Variants in OPLAH observed in about 807,000 individuals in gnomAD.
The protein encoded by OPLAH is 5-oxoprolinase, ATP-hydrolysing.
OPLAH carries 103 observed loss-of-function variants against 122.8 expected under a neutral mutation model. The observed-to-expected ratio is 0.84, with a 90% confidence interval of 0.71 to 0.99. The LOEUF (loss-of-function observed/expected upper bound fraction) is 0.99. OPLAH is among the 50% of genes least tolerant of loss of function. The probability of loss-of-function intolerance (pLI) is 0.00; values close to 1 mark genes in which losing one functional copy is unlikely to be tolerated. For synonymous variants in OPLAH, 875 were observed against 796.0 expected, an observed-to-expected ratio of 1.10 and a Z score of -1.67; for missense variants, 1,902 against 1,836.5, an observed-to-expected ratio of 1.04 and a Z score of -0.65.
intron 19 of OPLAH, 88 bp downstream of exon 19, chr8:144,054,473 G>A: frequency 7.2e-7 from 1 of 1,380,722 alleles, no homozygotes. Flanking sequence ...CCTATGGGCT[G>A]CATCCCACGG....
rs1564294748 is a variant in OPLAH at position 144,059,736 on chromosome 8, T to G, written c.226A>C (p.Ser76Arg). 6.2e-7 allele frequency: 1 copy of G among 1,610,876 alleles called. No homozygotes were observed. The highest frequency in any genetic ancestry group is 8.5e-7 in the Non-Finnish European group (1 of 1,179,618). The change falls in exon 3 of 27, where the codon AGC becomes CGC. Residue 76 changes from serine (S) to arginine (R), a missense_variant. Transcript: ENST00000618853. ...GCCACTGTGGTGCCCATGCGGATGC[T>G]GGCGATATGACTGGAGTCCAGCGGC... is the stretch of plus-strand genomic sequence containing the variant. ...DQPLDSSHIA[S>R]IRMGTTVATN...
In OPLAH at chr8:144,056,172, G is replaced by T. The variant is rs1554758963; in HGVS notation, c.2071C>A (p.Pro691Thr). Residue 691 changes from proline (P) to threonine (T), a missense_variant, in exon 15 of 27, where the codon CCC (proline) becomes ACC (threonine). This residue lies in a region of OPLAH where 1,726 missense variants were observed against 1,642.1 expected (regional missense o/e 1.05). Transcript: ENST00000618853. ...ELGYGHKLHGPCLIIDSNSTI... is the reference protein window; with the variant it reads ...ELGYGHKLHGTCLIIDSNSTI... ...CTGTTACTGTCGATGATGAGGCAGG[G>T]CCCATGGAGCTTGTGCCCATAGCCC... 2 of 1,610,092 alleles carry T rather than the reference G, an allele frequency of 1.2e-6. No individual in the cohort carries two copies. The highest frequency in any genetic ancestry group is 1.7e-6 in the Non-Finnish European group (2 of 1,177,786).
upstream of OPLAH, among the ~76,000 whole-genome samples, chr8:144,061,739 C>T (rs1010031288): frequency 2.0e-5 from 3 of 152,148 alleles, no homozygotes; most frequent in Non-Finnish European, 4.4e-5. Flanking sequence ...AAATGGGCAA[C>T]CGGCCTGGCA....
chr8:144,058,824 A>T lies in OPLAH; in HGVS notation c.536T>A (p.Leu179Gln). Residue 179 changes from leucine to glutamine, a missense_variant, in exon 5 of 27, where the codon CTG (leucine) becomes CAG (glutamine). This residue lies in a region of OPLAH where 1,726 missense variants were observed against 1,642.1 expected (regional missense o/e 1.05). Coordinates refer to ENST00000618853, the MANE Select transcript of OPLAH (RefSeq NM_017570.5). The stretch of plus-strand genomic sequence containing the variant: ...CAGGCTGCGGATGCCTCGAGATAGC[A>T]GCCCCTCCAGCTTCCCACGCAGGGC... ...LGALRGKLEGLLSRGIRSLAV... is the reference protein window; with the variant it reads ...LGALRGKLEGQLSRGIRSLAV... 1 of 1,594,788 alleles carries T rather than the reference A, an allele frequency of 6.3e-7. No homozygotes were observed. The highest frequency in any genetic ancestry group is 8.5e-7 in the Non-Finnish European group (1 of 1,171,456).
rs200399200 is a variant in OPLAH, at chr8:144,056,651, C to T, written c.1811G>A (p.Arg604His). ...AAAGGCTGCCCCGAAGTCCCCCGCA[C>T]GGGGCGAGCGGGCTGTGGCTGGGTG... ...HQHPATARSPRAGDFGAAFVE... is the reference protein window; with the variant it reads ...HQHPATARSPHAGDFGAAFVE... Residue 604 changes from arginine (R) to histidine (H), a missense_variant, in exon 13 of 27, where the codon CGT becomes CAT. This residue lies in a region of OPLAH where 1,726 missense variants were observed against 1,642.1 expected (regional missense o/e 1.05). Transcript: ENST00000618853. The T allele has an allele frequency of 3.8e-5, 62 of 1,612,018 alleles. No individual in the cohort carries two copies. In the Admixed American group the frequency reaches 4.0e-4, roughly 10 times the overall value.
Position 144,059,891 on chromosome 8 carries a change from T to C in OPLAH, c.142A>G (p.Thr48Ala), listed in dbSNP as rs960779440. Residue 48 changes from threonine (T) to alanine (A), a missense_variant, in exon 2 of 27, where the codon ACC (threonine) becomes GCC (alanine). Physicochemically the swap from Thr to Ala is moderately conservative, Grantham distance 58. Transcript: ENST00000618853. ...TCCAGGATGCGGCGGATGCCTTCGG[T>C]TGGCGCGTCCGCATAGTTGGCAGGG... ...EDPANYADAP[T>A]EGIRRILEQE... 1.9e-6 allele frequency: 3 copies of C among 1,612,754 alleles called. No individual in the cohort carries two copies. The highest frequency in any genetic ancestry group is 1.7e-6 in the Non-Finnish European group (2 of 1,179,816).
At chr8:144,059,338 C>T (rs1835611504) in intron 3 of OPLAH, among the ~76,000 whole-genome samples, 1 of 152,238 alleles carries the variant, frequency 6.6e-6, no homozygotes, top group Non-Finnish European at 1.5e-5. Flanking sequence ...GGTTCCACCC[C>T]TCCTCTGCCT....
At position 144,055,303 on chromosome 8, in the gene OPLAH, C is replaced by T. The variant is rs1294417115; in HGVS notation, c.2249-114G>A. ...AACCCAGGACCCAGGAAAAACCCAG[C>T]AGCTTTTTCCTGGGGAAGACCAAGT... On this transcript the variant is annotated intron_variant, in intron 16 of 26. Transcript: ENST00000618853. This position sits in a 1 kb window ranked among gnomAD's most constrained non-coding sequence, Gnocchi z 6.5. 4.5e-5 allele frequency: 52 copies of T among 1,152,852 alleles called. No individual in the cohort carries two copies. Among genetic ancestry groups the T allele is most frequent in the Non-Finnish European group, 5.6e-5 (49 of 867,504 alleles). 71.4% of individuals were successfully genotyped at this position (1,152,852 alleles called of 1,614,324 possible). A position where few individuals can be genotyped will look rare whatever the true frequency, so the allele number is the denominator to read the frequency against.
intron 3 of OPLAH, among the ~76,000 whole-genome samples, chr8:144,059,336 C>T (rs1345607913): frequency 1.3e-5 from 2 of 152,250 alleles, no homozygotes; most frequent in African/African-American, 4.8e-5. Flanking sequence ...GGGGTTCCAC[C>T]CCTCCTCTGC....
rs1554759488 is a variant in OPLAH at position 144,057,229 on chromosome 8, A to G, written c.1514T>C (p.Met505Thr). The G allele has an allele frequency of 6.2e-7, 1 of 1,612,134 alleles. No individual in the cohort carries two copies. The highest frequency in any genetic ancestry group is 8.5e-7 in the Non-Finnish European group (1 of 1,179,666). ...CCACCTGTGGATGTGCACCGTGTCC[A>G]TGCCCAGGGCCCGGGCGATGGCACA... ...HACAIARALG[M>T]DTVHIHRHSG... The change falls in exon 11 of 27, where the codon ATG becomes ACG. Residue 505 changes from methionine (M) to threonine (T), a missense_variant. Physicochemically the swap from Met to Thr is moderately conservative, Grantham distance 81. Around this residue, in one of 3 missense-constraint regions of OPLAH, gnomAD observed 1,726 missense variants for 1,642.1 expected, o/e 1.05. Coordinates refer to ENST00000618853, the MANE Select transcript of OPLAH (RefSeq NM_017570.5).
chr8:144,053,503 G>C (rs1554758252), intron 19 of OPLAH, 110 bp from the exon 20 acceptor site: 2 of 1,066,458 alleles, frequency 1.9e-6, no homozygotes, highest in African/African-American at 3.2e-5. Flanking sequence ...ACCGAGGCCT[G>C]GCCTGGGACT....
In OPLAH at chr8:144,058,766, C is replaced by A; in HGVS notation, c.587+7G>T. The A allele has an allele frequency of 1.3e-6, 2 of 1,592,362 alleles. No individual in the cohort carries two copies. The highest frequency in any genetic ancestry group is 2.3e-5 in the East Asian group (1 of 44,380). On this transcript the variant is annotated splice_region_variant and intron_variant, in intron 5 of 26. Coordinates refer to ENST00000618853, the MANE Select transcript of OPLAH (RefSeq NM_017570.5). ...GCTCCCGCAGCCCACAGCCCCACCT[C>A]ACTCACGTGTACGAGTGCATGAGCA...
At chr8:144,056,313 C>T (rs1554759056) in intron 14 of OPLAH, 54 bp from the exon 15 acceptor site, 3 of 1,595,958 alleles carry the variant, frequency 1.9e-6, no homozygotes, top group Non-Finnish European at 2.6e-6. Context: ...TCCCCGATGC[C>T]TCTCACAGGG....
Position 144,051,735 on chromosome 8 carries a change from G to T in OPLAH, c.3714C>A (p.Tyr1238Ter), listed in dbSNP as rs369176782. 1 of 1,602,916 alleles carries T rather than the reference G, an allele frequency of 6.2e-7. No individual in the cohort carries two copies. Among genetic ancestry groups the T allele is most frequent in the South Asian group, 1.1e-5 (1 of 89,548 alleles). Reference protein sequence around the residue: ...NLGGKTSVTVYPGDVFCLHTP... With the variant: ...NLGGKTSVTV ...GACAGGCCGCGGCCCTTACCCCGGG[G>T]TACACGGTCACCGACGTCTTGCCGC... is the stretch of plus-strand genomic sequence containing the variant. Residue 1238 changes from tyrosine to a stop codon, truncating the protein, a stop_gained, in exon 26 of 27, where the codon TAC (tyrosine) becomes TAA (stop). Transcript: ENST00000618853. LOFTEE classifies it high-confidence loss of function.
chr8:144,061,167 C>G (rs1835656833), upstream of OPLAH, among the ~76,000 whole-genome samples: 1 of 152,204 alleles, frequency 6.6e-6, no homozygotes, highest in Non-Finnish European at 1.5e-5. Flanking sequence ...GTGCCAGAGG[C>G]GTGTGAACCA....
chr8:144,051,935 G>C lies in OPLAH; in HGVS notation c.3603C>G (p.Phe1201Leu), dbSNP rs1587549865. The part of the protein sequence containing the change: ...LLSVLTERRA[F>L]RPYGLHGGEP... ...GCGCACCGTGGAGCCCGTATGGCCGGAAGGCGCGGCGCTCGGTCAGCACTG... is the reference window on the plus strand; with the variant it reads ...GCGCACCGTGGAGCCCGTATGGCCGCAAGGCGCGGCGCTCGGTCAGCACTG... The change falls in exon 25 of 27, where the codon TTC becomes TTG. Residue 1201 changes from phenylalanine (F) to leucine (L), a missense_variant. Phe to Leu is a conservative substitution (Grantham distance 22). Transcript: ENST00000618853. The C allele has an allele frequency of 5.8e-6, 9 of 1,541,992 alleles. No individual in the cohort carries two copies. The East Asian group carries it at 2.2e-4, about 37-fold the overall frequency.
chr8:144,061,433 T>C (rs1835661515), upstream of OPLAH, among the ~76,000 whole-genome samples: 2 of 151,554 alleles, frequency 1.3e-5, no homozygotes, highest in African/African-American at 4.9e-5. Context: ...GGAGAATCGC[T>C]GGAACCCGGG....
upstream of OPLAH, among the ~76,000 whole-genome samples, chr8:144,061,974 C>T (rs184156034): frequency 6.7e-6 from 1 of 149,262 alleles, no homozygotes; most frequent in Non-Finnish European, 1.5e-5. Context: ...GAGATGAGAT[C>T]GCACCACTGC....
chr8:144,057,139 G>A, intron 11 of OPLAH, 21 bp from the exon 12 acceptor site: 7 of 1,593,936 alleles, frequency 4.4e-6, no homozygotes, highest in Non-Finnish European at 5.1e-6. Flanking sequence ...GGGCAGCATG[G>A]CAATGGGAGG....
Sources: gnomAD v4.1 joint callset for allele counts (sites outside exome capture counted in the v4.1 genomes callset) on GRCh38, gnomAD v4.1.1 for gene constraint, gnomAD v4.1.1 regional missense constraint, Gnocchi (gnomAD v3.1) non-coding constraint, MANE v1.5 for transcripts, NCBI Gene and HGNC (gene_info 2026-07-23, HGNC 2026-07-21) for gene names.